The following DGKB variants were observed in gnomAD, a reference collection of about 807,000 sequenced individuals.
DGKB encodes the protein diacylglycerol kinase beta.
DGKB carries 67 observed loss-of-function variants against 114.3 expected under a neutral mutation model. That is an observed-to-expected ratio of 0.59 (90% CI 0.48 to 0.72). DGKB has a LOEUF of 0.72. DGKB is among the 30% of genes least tolerant of loss of function. DGKB has a pLI of 0.00. For missense variants in DGKB, 907 were observed against 975.2 expected, an observed-to-expected ratio of 0.93 and a Z score of 0.93; for synonymous variants, 398 against 323.1, an observed-to-expected ratio of 1.23 and a Z score of -2.49.
intron 16 of DGKB, among the ~76,000 whole-genome samples, chr7:14,608,046 C>A (rs1010410929): frequency 3.3e-5 from 5 of 151,896 alleles, no homozygotes; most frequent in Non-Finnish European, 5.9e-5. Flanking sequence ...AGATCTTGAC[C>A]AGTCATCTCA....
chr7:14,462,391 A>G (rs1833216122), intron 21 of DGKB, among the ~76,000 whole-genome samples: 1 of 152,208 alleles, frequency 6.6e-6, no homozygotes, highest in South Asian at 2.1e-4. Context: ...TTAAGCTGAT[A>G]AGCAACTTCA....
chr7:14,345,259 C>A, intron 22 of DGKB, 42 bp downstream of exon 22: 1 of 1,152,710 alleles, frequency 8.7e-7, no homozygotes, highest in Non-Finnish European at 1.2e-6. Flanking sequence ...AAAGCTCAAG[C>A]CATTTCATCA....
At chr7:14,297,062 T>A (rs1308721906) in intron 23 of DGKB, among the ~76,000 whole-genome samples, 5 of 152,022 alleles carry the variant, frequency 3.3e-5, no homozygotes, top group Non-Finnish European at 5.9e-5. Context: ...AGACAGTAAT[T>A]AATAACCTAC....
intron 23 of DGKB, among the ~76,000 whole-genome samples, chr7:14,262,798 G>A (rs1046861873): frequency 2.6e-5 from 4 of 152,140 alleles, no homozygotes; most frequent in African/African-American, 9.7e-5. Flanking sequence ...CCACTTTAAA[G>A]TAGAATCAGA....
chr7:14,362,816 C>T (rs1330914587), intron 21 of DGKB, among the ~76,000 whole-genome samples: 3 of 152,160 alleles, frequency 2.0e-5, no homozygotes, highest in Middle Eastern at 3.4e-3. Flanking sequence ...GACTGTTTAA[C>T]GGGCACGAGT....
chr7:14,956,826 A>G (rs1052382721), intron 1 of DGKB, among the ~76,000 whole-genome samples: 1 of 151,826 alleles, frequency 6.6e-6, no homozygotes, highest in Non-Finnish European at 1.5e-5. Flanking sequence ...GAAGTGTGAT[A>G]CTTCTACTAG....
chr7:14,795,019 T>G (rs1586564217), intron 2 of DGKB, among the ~76,000 whole-genome samples: 1 of 152,284 alleles, frequency 6.6e-6, no homozygotes, highest in East Asian at 1.9e-4. Context: ...CAATGCTGAT[T>G]CTCTGCAGAA....
chr7:14,750,097 T>C (rs956840772), intron 4 of DGKB: 1 of 516,734 alleles, frequency 1.9e-6, no homozygotes, highest in Non-Finnish European at 3.9e-6. Flanking sequence ...ACAAAACCTA[T>C]GGACAAAGAA....
At chr7:14,266,565 AG>A (rs1797547375) in intron 23 of DGKB, among the ~76,000 whole-genome samples, 1 of 152,208 alleles carries the variant, frequency 6.6e-6, no homozygotes, top group Admixed American at 6.5e-5. Flanking sequence ...TTGCTGTTAC[AG>A]GTAAAGAGGC....
chr7:14,911,237 C>T (rs980020220), intron 1 of DGKB, among the ~76,000 whole-genome samples: 1 of 151,934 alleles, frequency 6.6e-6, no homozygotes, highest in Non-Finnish European at 1.5e-5. Context: ...ATAATGGAAT[C>T]AGAAGCACTA....
chr7:14,150,680 T>C (rs530236571), intron 25 of DGKB, among the ~76,000 whole-genome samples: 1 of 152,204 alleles, frequency 6.6e-6, no homozygotes, highest in South Asian at 2.1e-4. Flanking sequence ...AACTAGGGAA[T>C]TGATAGTTGG....
intron 20 of DGKB, among the ~76,000 whole-genome samples, chr7:14,556,980 C>G (rs571657848): frequency 1.1e-4 from 16 of 152,230 alleles, no homozygotes; most frequent in Middle Eastern, 6.8e-3. Flanking sequence ...ACATTTTCCC[C>G]CTTTGGCTAA....
intron 1 of DGKB, among the ~76,000 whole-genome samples, chr7:14,922,108 G>C (rs1358973679): frequency 6.6e-6 from 1 of 151,622 alleles, no homozygotes; most frequent in East Asian, 1.9e-4. Context: ...GTTTAGTAGA[G>C]GTAGAATTAT....
At chr7:14,582,062 G>C (rs190276292) in intron 18 of DGKB, among the ~76,000 whole-genome samples, 1 of 152,252 alleles carries the variant, frequency 6.6e-6, no homozygotes, top group South Asian at 2.1e-4. Flanking sequence ...TGTATGCATA[G>C]ACAGAATGTT....
chr7:14,486,062 T>A (rs544932027), intron 20 of DGKB, among the ~76,000 whole-genome samples: 1 of 152,162 alleles, frequency 6.6e-6, no homozygotes, highest in Admixed American at 6.5e-5. Context: ...ACTTCATTCT[T>A]TTTTTTAAAA....
intron 20 of DGKB, among the ~76,000 whole-genome samples, chr7:14,525,887 T>G (rs1478588173): frequency 6.6e-6 from 1 of 152,160 alleles, no homozygotes; most frequent in Non-Finnish European, 1.5e-5. Context: ...GGAACAATAT[T>G]TGAAGAAATA....
At chr7:14,909,366 T>G (rs998059009) in intron 1 of DGKB, among the ~76,000 whole-genome samples, 2 of 152,190 alleles carry the variant, frequency 1.3e-5, no homozygotes, top group Non-Finnish European at 2.9e-5. Flanking sequence ...TGCCTTGTAC[T>G]AATCATTCTT....
chr7:14,403,209 T>C (rs1415512246), intron 21 of DGKB, among the ~76,000 whole-genome samples: 1 of 151,820 alleles, frequency 6.6e-6, no homozygotes, highest in Non-Finnish European at 1.5e-5. Flanking sequence ...ACTCTCTCTT[T>C]TAATTTAAAA....
intron 23 of DGKB, among the ~76,000 whole-genome samples, chr7:14,327,729 C>G (rs190471385): frequency 2.6e-5 from 4 of 152,128 alleles, no homozygotes; most frequent in African/African-American, 7.2e-5. Flanking sequence ...ATACTGCACT[C>G]GTGGTGAGCT....
Sources: allele counts gnomAD v4.1 joint callset (sites outside exome capture counted in the v4.1 genomes callset), GRCh38; gene constraint gnomAD v4.1.1; transcripts MANE v1.5; gene names NCBI Gene and HGNC (gene_info 2026-07-23, HGNC 2026-07-21).